Variants in ACTL6B observed in about 807,000 individuals in gnomAD.
ACTL6B encodes the protein actin-like protein 6B.
A neutral mutation model predicts 63.3 loss-of-function variants in ACTL6B; 48 were observed. That is an observed-to-expected ratio of 0.76 (90% CI 0.60 to 0.96). The LOEUF is 0.96. Ranked by LOEUF, ACTL6B falls within the 50% of genes least tolerant of loss-of-function variation. The pLI, the probability that ACTL6B is intolerant of heterozygous loss-of-function variation, is 0.00. For missense variants in ACTL6B, 350 were observed against 572.2 expected, an observed-to-expected ratio of 0.61 and a Z score of 3.96; for synonymous variants, 230 against 223.8, an observed-to-expected ratio of 1.03 and a Z score of -0.25.
rs919733294 is a variant in ACTL6B at position 100,647,081 on chromosome 7, C to T, written c.826G>A (p.Ala276Thr). Reference protein sequence around the residue: ...VSDSPYDEQVAAQMPTVHYEM... With the variant: ...VSDSPYDEQVTAQMPTVHYEM... ...TAGTGCACTGTGGGCATTTGTGCAG[C>T]CACCCTACCCAGAAGGGAGCAGGAC... Residue 276 changes from alanine (A) to threonine (T), a missense_variant, in exon 10 of 14, where the codon GCT (alanine) becomes ACT (threonine). By Grantham distance (58) the Ala-to-Thr change is moderately conservative (BLOSUM62 0). This residue lies in a region of ACTL6B where 250 missense variants were observed against 364.7 expected (regional missense o/e 0.69). Transcript: ENST00000160382. The surrounding 1 kb of genome is among the most constrained non-coding windows in gnomAD (Gnocchi z 4.4). 3.1e-6 allele frequency: 5 copies of T among 1,613,908 alleles called. No homozygotes were observed. The highest frequency in any genetic ancestry group is 4.2e-6 in the Non-Finnish European group (5 of 1,179,966).
chr7:100,654,124 C>A (rs1456144931), intron 4 of ACTL6B, among the ~76,000 whole-genome samples: 1 of 151,964 alleles, frequency 6.6e-6, no homozygotes, highest in Non-Finnish European at 1.5e-5. Context: ...AGGTGCCCGC[C>A]ACCATGCCTG....
intron 13 of ACTL6B, among the ~76,000 whole-genome samples, chr7:100,643,667 A>C (rs981635506): frequency 1.3e-5 from 2 of 151,944 alleles, no homozygotes; most frequent in African/African-American, 4.8e-5. Context: ...CCCCCTACAC[A>C]CACACAGTCC....
In ACTL6B at chr7:100,655,555, G is replaced by A. The variant is rs1168962904; in HGVS notation, c.134C>T (p.Ala45Val). Residue 45 changes from alanine (A) to valine (V), a missense_variant, in exon 3 of 14, where the codon GCC becomes GTC. Physicochemically the swap from Ala to Val is moderately conservative, Grantham distance 64 (BLOSUM62 0). Transcript: ENST00000160382. This position sits in a 1 kb window ranked among gnomAD's most constrained non-coding sequence, Gnocchi z 4.4. ...ADFPTTVGLL[A>V]AEEGGGLELE... is the part of the protein sequence containing the mutation. ...CTCCAGCCCGCCCCCCTCCTCCGCG[G>A]CCAGCAGCCCCACTGTGGTGGGGAA... 1 of 1,613,534 alleles carries A rather than the reference G, an allele frequency of 6.2e-7. No individual in the cohort carries two copies. The highest frequency in any genetic ancestry group is 2.2e-5 in the East Asian group (1 of 44,894).
At position 100,643,126 on chromosome 7, in the gene ACTL6B, T is replaced by A. The variant is rs1467920428; in HGVS notation, c.*120A>T. 1.3e-5 allele frequency: 15 copies of A among 1,136,606 alleles called. No individual in the cohort carries two copies. In the Admixed American group the frequency reaches 1.4e-4, roughly 11 times the overall value. 70.4% of individuals were successfully genotyped at this position (1,136,606 alleles called of 1,614,324 possible). A position where few individuals can be genotyped will look rare whatever the true frequency, so the allele number is the denominator to read the frequency against. On this transcript the variant is annotated 3_prime_UTR_variant, in exon 14 of 14. Transcript: ENST00000160382. ...TTTTCTTAAAACATTTTTACTTCTT[T>A]CAACCCAGAAACATCACCATTAATG...
intron 5 of ACTL6B, among the ~76,000 whole-genome samples, chr7:100,649,313 A>AT (rs567700079): frequency 0.022 from 2,774 of 128,450 alleles, 32 homozygotes; most frequent in Middle Eastern, 0.044. Context: ...TTCTTTAGTT[A>AT]TTTTTTTTTT....
chr7:100,653,556 G>A (rs1803981698), intron 4 of ACTL6B, among the ~76,000 whole-genome samples: 2 of 152,142 alleles, frequency 1.3e-5, no homozygotes, highest in African/African-American at 4.8e-5. Flanking sequence ...AGACTGAAAT[G>A]AGAGGATCAC....
rs755777522 is a variant in ACTL6B at position 100,647,195 on chromosome 7, C to G, written c.821+28G>C. The G allele has an allele frequency of 6.2e-7, 1 of 1,612,988 alleles. No individual in the cohort carries two copies. Among genetic ancestry groups the G allele is most frequent in the Admixed American group, 1.7e-5 (1 of 59,980 alleles). On this transcript the variant is annotated intron_variant, in intron 9 of 13. Coordinates refer to ENST00000160382, the MANE Select transcript of ACTL6B (RefSeq NM_016188.5). This position sits in a 1 kb window ranked among gnomAD's most constrained non-coding sequence, Gnocchi z 4.4. ...AAGAGTGCCGGTTCTGCCCTCTCTC[C>G]CACCCCAAAGCCCTGAGCCACACTC...
chr7:100,652,741 G>A (rs535584826), intron 4 of ACTL6B, among the ~76,000 whole-genome samples: 38 of 152,028 alleles, frequency 2.5e-4, no homozygotes, highest in Non-Finnish European at 4.1e-4. Flanking sequence ...GGTGGCTTAC[G>A]CCTGTAATCC....
Position 100,648,617 on chromosome 7 carries a change from C to A in ACTL6B, c.608G>T (p.Cys203Phe). 4 of 1,613,090 alleles carry A rather than the reference C, an allele frequency of 2.5e-6. No individual in the cohort carries two copies. The highest frequency in any genetic ancestry group is 3.4e-6 in the Non-Finnish European group (4 of 1,179,440). Residue 203 changes from cysteine to phenylalanine, a missense_variant, in exon 7 of 14, where the codon TGC (cysteine) becomes TTC (phenylalanine). Transcript: ENST00000160382. This position sits in a 1 kb window ranked among gnomAD's most constrained non-coding sequence, Gnocchi z 4.4. ...GGCCATCTCCTGGAACAGCTCCCGG[C>A]ACTGCATGGAGATGAAGTCCCCTGC... is the stretch of plus-strand genomic sequence containing the variant. ...PLAGDFISMQ[C>F]RELFQEMAID...
At position 100,648,069 on chromosome 7, in the gene ACTL6B, C is replaced by A. The variant is rs1309212818; in HGVS notation, c.669+487G>T. On this transcript the variant is annotated intron_variant, in intron 7 of 13. Coordinates refer to ENST00000160382, the MANE Select transcript of ACTL6B (RefSeq NM_016188.5). The surrounding 1 kb of genome is among the most constrained non-coding windows in gnomAD (Gnocchi z 4.4). Reference sequence around the variant, plus strand: ...CTGCCTCCGGGGTTCAGGTGATTCTCCAGTCTCAGCCTCCCAAGTAGCTGG... The same window carrying A: ...CTGCCTCCGGGGTTCAGGTGATTCTACAGTCTCAGCCTCCCAAGTAGCTGG... Among the ~76,000 whole-genome samples the A allele has an allele frequency of 6.6e-6, 1 of 151,744 alleles. No homozygotes were observed. The highest frequency in any genetic ancestry group is 1.5e-5 in the Non-Finnish European group (1 of 67,972).
chr7:100,656,198 C>T, intron 1 of ACTL6B, 132 bp downstream of exon 1: 3 of 1,121,566 alleles, frequency 2.7e-6, no homozygotes, highest in South Asian at 4.6e-5. Flanking sequence ...GCAGGGGTGG[C>T]GGGAGACCCG....
chr7:100,652,325 G>A (rs1803954920), intron 4 of ACTL6B, among the ~76,000 whole-genome samples: 1 of 151,668 alleles, frequency 6.6e-6, no homozygotes, highest in Non-Finnish European at 1.5e-5. Flanking sequence ...GTGAGTCCCA[G>A]CTACTTGGGA....
Position 100,647,755 on chromosome 7 carries a change from A to C in ACTL6B, c.670-222T>G. ...TGCGGTGGGTGCAGCTGATCTGGAG[A>C]ACACCAGGAATACAGCAGTGACAGA... is the stretch of plus-strand genomic sequence containing the variant. On this transcript the variant is annotated intron_variant, in intron 7 of 13. Coordinates refer to ENST00000160382, the MANE Select transcript of ACTL6B (RefSeq NM_016188.5). This position sits in a 1 kb window ranked among gnomAD's most constrained non-coding sequence, Gnocchi z 4.4. 1.9e-6 allele frequency: 1 copy of C among 524,488 alleles called. No individual in the cohort carries two copies. Among genetic ancestry groups the C allele is most frequent in the Non-Finnish European group, 3.4e-6 (1 of 296,644 alleles). 32.5% of individuals were successfully genotyped at this position (524,488 alleles called of 1,614,324 possible).
rs1450532601 is a variant in ACTL6B at position 100,655,417 on chromosome 7, T to C, written c.268+4A>G. 4 of 1,613,160 alleles carry C rather than the reference T, an allele frequency of 2.5e-6. No individual in the cohort carries two copies. Among genetic ancestry groups the C allele is most frequent in the Middle Eastern group, 3.3e-4 (2 of 6,080 alleles). ...TCAGGAGGTGATGGGTGGGGGCCCCTTACTCATGCCATTCTTGAGGGGCGA... is the reference window on the plus strand; with the variant it reads ...TCAGGAGGTGATGGGTGGGGGCCCCCTACTCATGCCATTCTTGAGGGGCGA... On this transcript the variant is annotated splice_donor_region_variant and intron_variant, in intron 3 of 13. Coordinates refer to ENST00000160382, the MANE Select transcript of ACTL6B (RefSeq NM_016188.5). The surrounding 1 kb of genome is among the most constrained non-coding windows in gnomAD (Gnocchi z 4.4).
chr7:100,644,325 C>T (rs113423833), intron 13 of ACTL6B, among the ~76,000 whole-genome samples: 1 of 152,314 alleles, frequency 6.6e-6, no homozygotes, highest in African/African-American at 2.4e-5. Flanking sequence ...TGAGCTACCA[C>T]GGCTGGGCTT....
At position 100,646,009 on chromosome 7, in the gene ACTL6B, C is replaced by T. The variant is rs890451974; in HGVS notation, c.1200+240G>A. 6.6e-6 allele frequency among the ~76,000 whole-genome samples: 1 copy of T among 152,220 alleles called. No homozygotes were observed. The highest frequency in any genetic ancestry group is 1.5e-5 in the Non-Finnish European group (1 of 68,048). On this transcript the variant is annotated intron_variant, in intron 13 of 13. Coordinates refer to ENST00000160382, the MANE Select transcript of ACTL6B (RefSeq NM_016188.5). The surrounding 1 kb of genome is among the most constrained non-coding windows in gnomAD (Gnocchi z 6.1). ...GGGTTTTCAACTCCTAGCCTCAAGC[C>T]ATCCCCCCACTTCAGCCACCCAAAG...
In ACTL6B at chr7:100,648,331, T is replaced by C; in HGVS notation, c.669+225A>G. Reference sequence around the variant, plus strand: ...TATTGGACCCTAGAACCCACCACACTGGCCCTCACACATCCTGCTGTCTGC... The same window carrying C: ...TATTGGACCCTAGAACCCACCACACCGGCCCTCACACATCCTGCTGTCTGC... On this transcript the variant is annotated intron_variant, in intron 7 of 13. Transcript: ENST00000160382. The surrounding 1 kb of genome is among the most constrained non-coding windows in gnomAD (Gnocchi z 4.4). The C allele has an allele frequency of 2.1e-6, 1 of 480,790 alleles. No individual in the cohort carries two copies. Among genetic ancestry groups the C allele is most frequent in the East Asian group, 3.7e-5 (1 of 27,354 alleles). The allele number at this position is 480,790 out of a possible 1,614,324, so 29.8% of individuals were successfully genotyped here.
chr7:100,643,319 A>T lies in ACTL6B; in HGVS notation c.1208T>A (p.Phe403Tyr). ...CTGCTTGGAGATCCACATCTGCTGGAAAGTGCCCTGGGTGGAGGGGGTAAT... is the reference window on the plus strand; with the variant it reads ...CTGCTTGGAGATCCACATCTGCTGGTAAGTGCCCTGGGTGGAGGGGGTAAT... Reference protein sequence around the residue: ...GGSILASLGTFQQMWISKQEY... With the variant: ...GGSILASLGTYQQMWISKQEY... Residue 403 changes from phenylalanine to tyrosine, a missense_variant, in exon 14 of 14, where the codon TTC becomes TAC. Physicochemically the swap from Phe to Tyr is conservative, Grantham distance 22 (BLOSUM62 3). Coordinates refer to ENST00000160382, the MANE Select transcript of ACTL6B (RefSeq NM_016188.5). The T allele has an allele frequency of 6.2e-7, 1 of 1,613,680 alleles. No individual in the cohort carries two copies. The highest frequency in any genetic ancestry group is 8.5e-7 in the Non-Finnish European group (1 of 1,179,952).
chr7:100,645,908 C>T (rs1380705525), intron 13 of ACTL6B, among the ~76,000 whole-genome samples: 5 of 152,102 alleles, frequency 3.3e-5, no homozygotes, highest in Admixed American at 6.6e-5. Flanking sequence ...CAGGGATTAC[C>T]GGCATGAGCC....
Sources: allele counts gnomAD v4.1 joint callset (sites outside exome capture counted in the v4.1 genomes callset), GRCh38; gene constraint gnomAD v4.1.1; regional missense constraint gnomAD v4.1.1; non-coding constraint Gnocchi (gnomAD v3.1); transcripts MANE v1.5; gene names NCBI Gene and HGNC (gene_info 2026-07-23, HGNC 2026-07-21).